The following TMTC1 variants were observed in gnomAD, a reference collection of about 807,000 sequenced individuals.
TMTC1 encodes the protein transmembrane O-mannosyltransferase targeting cadherins 1.
Under a neutral mutation model 104.8 loss-of-function variants are expected in TMTC1, and 73 were observed. The ratio of observed to expected loss-of-function variants is 0.70; its 90% CI spans 0.58 to 0.85. TMTC1 has a LOEUF of 0.85. Among genes scored for constraint, TMTC1 ranks in the 40% least tolerant of loss-of-function variants. The pLI, the probability that TMTC1 is intolerant of heterozygous loss-of-function variation, is 0.00. For synonymous variants in TMTC1, 434 were observed against 428.7 expected (o/e 1.01, Z -0.15); for missense variants, 1,035 against 1,096.1 (o/e 0.94, Z 0.79).
At chr12:29,531,421 A>G (rs899733973) in intron 11 of TMTC1, among the ~76,000 whole-genome samples, 1 of 152,146 alleles carries the variant, frequency 6.6e-6, no homozygotes, top group Non-Finnish European at 1.5e-5. Flanking sequence ...TGAAGGAAAA[A>G]TATTTTATTT....
intron 6 of TMTC1, chr12:29,609,807 G>A (rs1946796532): frequency 6.6e-6 from 1 of 152,290 alleles, no homozygotes; most frequent in African/African-American, 2.4e-5. Flanking sequence ...ACTCTCTCTG[G>A]GAAGCTACAG....
intron 17 of TMTC1, 108 bp downstream of exon 17, chr12:29,511,935 T>C: frequency 3.6e-6 from 4 of 1,122,388 alleles, no homozygotes; most frequent in Non-Finnish European, 4.1e-6. Flanking sequence ...ATTCAAATGA[T>C]TTCAAAAAGG....
At position 29,521,312 on chromosome 12, in the gene TMTC1, C is replaced by T. The variant is rs555115236; in HGVS notation, c.1786-592G>A. ...TTCATTACTTGAAGTATGTCTACAG[C>T]CCACCAGACTGGTGGCTACTTCCCA... On this transcript the variant is annotated intron_variant, in intron 11 of 17. Coordinates refer to ENST00000539277, the MANE Select transcript of TMTC1 (RefSeq NM_001193451.2). 2.0e-5 allele frequency among the ~76,000 whole-genome samples: 3 copies of T among 152,256 alleles called. No individual in the cohort carries two copies. The South Asian group carries it at 6.2e-4, about 32-fold the overall frequency.
intron 7 of TMTC1, among the ~76,000 whole-genome samples, chr12:29,587,407 C>A (rs1946167834): frequency 6.6e-6 from 1 of 151,920 alleles, no homozygotes. Flanking sequence ...GATCATGGCT[C>A]ACTGCAGCCT....
chr12:29,572,355 G>T, intron 8 of TMTC1, 137 bp from the exon 9 acceptor site: 2 of 721,372 alleles, frequency 2.8e-6, no homozygotes, highest in Non-Finnish European at 4.5e-6. Context: ...TAGCCTACAA[G>T]GCTTCCAAAA....
chr12:29,733,678 C>G (rs958702247), intron 5 of TMTC1, among the ~76,000 whole-genome samples: 2 of 152,128 alleles, frequency 1.3e-5, no homozygotes, highest in Non-Finnish European at 2.9e-5. Context: ...CTAGCTGCAA[C>G]CTGACAAAAT....
rs34419655 is a variant in TMTC1, at chr12:29,712,006, C to CAAA, written c.938+39657_938+39659dup. The stretch of plus-strand genomic sequence containing the variant: ...TGGGAGACAGAGCAAGACTCCATCT[C>CAAA]AAAAAAAAAAAAAAAAAAAAAAAAA... On this transcript the variant is annotated intron_variant, in intron 5 of 17. Transcript: ENST00000539277. Among the ~76,000 whole-genome samples the CAAA allele has an allele frequency of 3.4e-4, 15 of 43,940 alleles. 1 individual carries two copies. Among genetic ancestry groups the CAAA allele is most frequent in the African/African-American group, 1.4e-3 (15 of 11,034 alleles). 28.8% of individuals were successfully genotyped at this position (43,940 alleles called of 152,430 possible). A position where few individuals can be genotyped will look rare whatever the true frequency, so the allele number is the denominator to read the frequency against.
chr12:29,532,713 G>A (rs1053678556), intron 11 of TMTC1: 1 of 151,904 alleles, frequency 6.6e-6, no homozygotes, highest in Non-Finnish European at 1.5e-5. Flanking sequence ...TATGAATAAA[G>A]GATGTATACG....
chr12:29,636,563 T>C (rs996427055), intron 5 of TMTC1, among the ~76,000 whole-genome samples: 2 of 152,186 alleles, frequency 1.3e-5, no homozygotes, highest in African/African-American at 4.8e-5. Context: ...CTCATGCCTG[T>C]AATCCCAGCA....
At chr12:29,659,901 A>G in intron 5 of TMTC1, 1 of 1,535,640 alleles carries the variant, frequency 6.5e-7, no homozygotes, top group Non-Finnish European at 8.7e-7. Flanking sequence ...GTAAGGCGAA[A>G]ATGAAGCTGG....
intron 16 of TMTC1, among the ~76,000 whole-genome samples, chr12:29,512,682 T>A (rs183980934): frequency 1.5e-4 from 23 of 152,186 alleles, no homozygotes; most frequent in East Asian, 9.6e-4. Flanking sequence ...ACATGAAAAG[T>A]CTTCAAATGT....
At chr12:29,597,208 CTTTTCT>C (rs1375758488) in intron 7 of TMTC1, among the ~76,000 whole-genome samples, 257 of 147,456 alleles carry the variant, frequency 1.7e-3, no homozygotes, top group Middle Eastern at 3.5e-3. Context: ...TTTTTCTTTT[CTTTTCT>C]TTTTCTTTTT....
chr12:29,726,853 T>C (rs1030308311), intron 5 of TMTC1, among the ~76,000 whole-genome samples: 6 of 152,180 alleles, frequency 3.9e-5, no homozygotes, highest in Admixed American at 2.6e-4. Context: ...AATGTAAACA[T>C]AAAAGATTAT....
intron 5 of TMTC1, among the ~76,000 whole-genome samples, chr12:29,688,042 C>T (rs77266330): frequency 1.3e-5 from 2 of 152,238 alleles, no homozygotes; most frequent in Non-Finnish European, 2.9e-5. Context: ...AAAACATACA[C>T]TGAAACATTT....
intron 5 of TMTC1, among the ~76,000 whole-genome samples, chr12:29,654,194 C>T (rs1194262010): frequency 1.3e-5 from 2 of 152,074 alleles, no homozygotes; most frequent in Non-Finnish European, 2.9e-5. Flanking sequence ...AATCATAAGT[C>T]AGATAAGGGA....
At chr12:29,659,949 A>G in intron 5 of TMTC1, 2 of 1,536,036 alleles carry the variant, frequency 1.3e-6, no homozygotes, top group Non-Finnish European at 1.7e-6. Flanking sequence ...AGATCCTCCC[A>G]TTATCCACAG....
At chr12:29,614,878 A>C in intron 6 of TMTC1, among the ~76,000 whole-genome samples, 1 of 152,224 alleles carries the variant, frequency 6.6e-6, no homozygotes, top group East Asian at 1.9e-4. Flanking sequence ...AGCCTTGGCA[A>C]TAAATTACTC....
intron 1 of TMTC1, among the ~76,000 whole-genome samples, chr12:29,771,589 T>C (rs1943595323): frequency 6.6e-6 from 1 of 152,130 alleles, no homozygotes; most frequent in Admixed American, 6.5e-5. Context: ...GCAGGCAAGG[T>C]AATTAAACAG....
chr12:29,590,732 C>A lies in TMTC1; in HGVS notation c.1251-7158G>T, dbSNP rs76001486. Among the ~76,000 whole-genome samples the A allele has an allele frequency of 7.1e-3, 1,080 of 152,308 alleles. 26 individuals are homozygous for A. The highest frequency in any genetic ancestry group is 0.055 in the East Asian group (283 of 5,178). ...CCCAAGAGGCAGAGGTTACAGTGAG[C>A]TGAGATTGTGCCACCGAACTCCAGC... On this transcript the variant is annotated intron_variant, in intron 7 of 17. Transcript: ENST00000539277.
Sources: gnomAD v4.1 joint callset for allele counts (sites outside exome capture counted in the v4.1 genomes callset) on GRCh38, gnomAD v4.1.1 for gene constraint, MANE v1.5 for transcripts, NCBI Gene and HGNC (gene_info 2026-07-23, HGNC 2026-07-21) for gene names.